ZNF638: variants seen among roughly 807,000 people sequenced by gnomAD.
ZNF638 encodes the protein CTCL tumor antigen se33-1.
ZNF638 carries 46 observed loss-of-function variants against 195.6 expected under a neutral mutation model. The observed-to-expected ratio is 0.24, with a 90% CI of 0.19 to 0.30. The LOEUF (loss-of-function observed/expected upper bound fraction) is 0.30, where lower values mean the gene tolerates loss of function less well. Among genes scored for constraint, ZNF638 ranks in the 10% least tolerant of loss-of-function variants. The pLI, the probability that ZNF638 is intolerant of heterozygous loss-of-function variation, is 1.00. For missense variants in ZNF638, 2,440 were observed against 2,325.3 expected, an observed-to-expected ratio of 1.05 and a Z score of -1.01; for synonymous variants, 845 against 772.0, an observed-to-expected ratio of 1.09 and a Z score of -1.57.
In ZNF638 at chr2:71,426,889, C is replaced by T. The variant is rs1319998164; in HGVS notation, c.5020C>T (p.Leu1674Phe). Residue 1674 changes from leucine (L) to phenylalanine (F), a missense_variant, in exon 24 of 28, where the codon CTC becomes TTC. Around this residue, in one of 5 missense-constraint regions of ZNF638, gnomAD observed 1,883 missense variants for 1,739.1 expected, o/e 1.08. Transcript: ENST00000264447. ...TVLSVAEEQD[L>F]LKQERLVTVD... ...TCTGTCAGTGGCTGAAGAACAAGATCTCCTCAAACAGGAACGCTTGGTAAC... is the reference window on the plus strand; with the variant it reads ...TCTGTCAGTGGCTGAAGAACAAGATTTCCTCAAACAGGAACGCTTGGTAAC... The T allele has an allele frequency of 1.2e-6, 2 of 1,614,054 alleles. No individual in the cohort carries two copies. The highest frequency in any genetic ancestry group is 3.3e-5 in the Admixed American group (2 of 59,992).
chr2:71,336,419 T>A (rs17692517), intron 1 of ZNF638, among the ~76,000 whole-genome samples: 1 of 148,122 alleles, frequency 6.8e-6, no homozygotes, highest in Non-Finnish European at 1.5e-5. Context: ...ACACAAGTGC[T>A]TGTTAAACAA....
rs574500323 is a variant in ZNF638, at chr2:71,354,955, ATTTTATTTTTAT to A, written c.1318-747_1318-736del. ...TACTGGTCTATCAGGTAGCATTTTT[ATTTTATTTTTAT>A]TTTTATTTTTATTTTTTTGGAGACA... On this transcript the variant is annotated intron_variant, in intron 2 of 27. Transcript: ENST00000264447. Among the ~76,000 whole-genome samples the A allele has an allele frequency of 3.3e-5, 5 of 151,638 alleles. No homozygotes were observed. In the East Asian group the frequency reaches 5.8e-4, roughly 18 times the overall value.
At chr2:71,429,998 G>T (rs1318878511) in intron 25 of ZNF638, among the ~76,000 whole-genome samples, 1 of 152,172 alleles carries the variant, frequency 6.6e-6, no homozygotes, top group South Asian at 2.1e-4. Context: ...CAGAATTTCT[G>T]TATGGTAGGG....
Position 71,434,972 on chromosome 2 carries a change from G to A in ZNF638, c.*165G>A, listed in dbSNP as rs539501468. ...AGAGACTGATGGGGAAAGTATGATGGGTTTGATTTTTATATCAAATCATCA... is the reference window on the plus strand; with the variant it reads ...AGAGACTGATGGGGAAAGTATGATGAGTTTGATTTTTATATCAAATCATCA... On this transcript the variant is annotated 3_prime_UTR_variant, in exon 28 of 28. Transcript: ENST00000264447. 88 of 539,408 alleles carry A rather than the reference G, an allele frequency of 1.6e-4. 1 individual carries two copies. Among genetic ancestry groups the A allele is most frequent in the Non-Finnish European group, 2.4e-4 (73 of 303,398 alleles). 33.4% of individuals were successfully genotyped at this position (539,408 alleles called of 1,614,324 possible). A position where few individuals can be genotyped will look rare whatever the true frequency, so the allele number is the denominator to read the frequency against.
rs1553488137 is a variant in ZNF638 at position 71,424,642 on chromosome 2, T to A, written c.4525-8T>A. The A allele has an allele frequency of 1.9e-6, 3 of 1,603,930 alleles. No individual in the cohort carries two copies. Among genetic ancestry groups the A allele is most frequent in the Non-Finnish European group, 2.6e-6 (3 of 1,175,562 alleles). On this transcript the variant is annotated splice_region_variant and splice_polypyrimidine_tract_variant and intron_variant, in intron 22 of 27. Transcript: ENST00000264447. ...CCGTTTTTCTGTATTTCTTATTTAC[T>A]ATTTCAGACTTTGGCTGAGCAAAAC...
intron 10 of ZNF638, among the ~76,000 whole-genome samples, chr2:71,387,324 A>T (rs6745147): frequency 3.9e-4 from 59 of 152,172 alleles, no homozygotes; most frequent in African/African-American, 1.4e-3. Context: ...TTTTAGTTGG[A>T]AAAAGATCAA....
chr2:71,404,025 C>G (rs1211452218), intron 17 of ZNF638, 27 bp downstream of exon 17: 1 of 1,581,938 alleles, frequency 6.3e-7, no homozygotes, highest in Non-Finnish European at 8.6e-7. Context: ...TTTTTACTAG[C>G]TCTTACTAAG....
Position 71,364,379 on chromosome 2 carries a change from AC to A in ZNF638, c.1717+128del. 5 of 997,234 alleles carry A rather than the reference AC, an allele frequency of 5.0e-6. No homozygotes were observed. The South Asian group carries it at 8.8e-5, about 17-fold the overall frequency. 61.8% of individuals were successfully genotyped at this position (997,234 alleles called of 1,614,324 possible). ...AGAGTTGATAAATGAAATCTGACCC[AC>A]ATGCCACAGAGTTATTCCCTCTGGT... is the stretch of plus-strand genomic sequence containing the variant. On this transcript the variant is annotated intron_variant, in intron 5 of 27. Transcript: ENST00000264447.
At chr2:71,432,241 G>T (rs2080680957) in intron 26 of ZNF638, among the ~76,000 whole-genome samples, 1 of 152,056 alleles carries the variant, frequency 6.6e-6, no homozygotes, top group African/African-American at 2.4e-5. Context: ...CATTCTGTCA[G>T]CCAGGCTGGA....
At chr2:71,408,095 T>C (rs957061319) in intron 19 of ZNF638, 27 bp from the exon 20 acceptor site, 7 of 1,598,440 alleles carry the variant, frequency 4.4e-6, no homozygotes, top group Middle Eastern at 1.7e-4. Flanking sequence ...TAAAGAACTA[T>C]TCATAACTTT....
intron 10 of ZNF638, among the ~76,000 whole-genome samples, chr2:71,381,542 C>CA (rs1471541404): frequency 5.9e-5 from 9 of 152,020 alleles, no homozygotes; most frequent in Non-Finnish European, 1.3e-4. Context: ...CACACAACAA[C>CA]AAAGGTAACA....
intron 3 of ZNF638, among the ~76,000 whole-genome samples, chr2:71,356,368 G>A (rs976946948): frequency 7.9e-5 from 12 of 152,132 alleles, no homozygotes; most frequent in African/African-American, 2.9e-4. Flanking sequence ...TGTATCTCTT[G>A]GAGTAACATC....
intron 20 of ZNF638, among the ~76,000 whole-genome samples, chr2:71,409,603 A>C (rs2080171672): frequency 6.6e-6 from 1 of 152,190 alleles, no homozygotes. Flanking sequence ...AAATGGCGCC[A>C]CATTTTCATT....
intron 25 of ZNF638, among the ~76,000 whole-genome samples, chr2:71,429,414 C>T (rs10779954): frequency 0.34 from 51,619 of 151,970 alleles, 9,941 homozygotes; most frequent in African/African-American, 0.52. Context: ...AATTAGCTTT[C>T]CCCCCCTTCT....
rs1397572695 is a variant in ZNF638 at position 71,433,237 on chromosome 2, C to A, written c.5825C>A (p.Ala1942Glu). 6.2e-7 allele frequency: 1 copy of A among 1,614,000 alleles called. No homozygotes were observed. Among genetic ancestry groups the A allele is most frequent in the Non-Finnish European group, 8.5e-7 (1 of 1,179,978 alleles). The change falls in exon 27 of 28, where the codon GCA becomes GAA. Residue 1942 changes from alanine (A) to glutamate (E), a missense_variant. Transcript: ENST00000264447. Reference protein sequence around the residue: ...ICSLFYSGEKAMTNHCKSTRH... With the variant: ...ICSLFYSGEKEMTNHCKSTRH... ...TCCCTCTTCTACTCAGGTGAAAAAG[C>A]AATGACAAATCACTGCAAGAGTACA...
Position 71,350,283 on chromosome 2 carries a change from T to A in ZNF638, c.1317+12T>A, listed in dbSNP as rs2104180672. 1 of 1,591,806 alleles carries A rather than the reference T, an allele frequency of 6.3e-7. No individual in the cohort carries two copies. ...GTAGTCATTTGAAGGTGAGTGTTTT[T>A]AAAAAAAGATCACTGTATAATGATG... is the stretch of plus-strand genomic sequence containing the variant. On this transcript the variant is annotated intron_variant, in intron 2 of 27. Coordinates refer to ENST00000264447, the MANE Select transcript of ZNF638 (RefSeq NM_014497.5).
intron 3 of ZNF638, among the ~76,000 whole-genome samples, chr2:71,360,936 C>A (rs1201913165): frequency 2.0e-5 from 3 of 152,148 alleles, no homozygotes; most frequent in African/African-American, 7.2e-5. Flanking sequence ...CTGCTCTGGG[C>A]AGCAGAGATG....
intron 10 of ZNF638, among the ~76,000 whole-genome samples, chr2:71,387,377 G>A (rs1394236639): frequency 6.6e-6 from 1 of 151,998 alleles, no homozygotes; most frequent in Non-Finnish European, 1.5e-5. Context: ...TTTGATAAAA[G>A]TAAAAGCACT....
intron 10 of ZNF638, among the ~76,000 whole-genome samples, chr2:71,387,138 C>T (rs991637902): frequency 6.6e-6 from 1 of 151,892 alleles, no homozygotes; most frequent in Non-Finnish European, 1.5e-5. Context: ...CAGGACAGTT[C>T]TTTAAAGAAA....
Sources: gnomAD v4.1 joint callset for allele counts (sites outside exome capture counted in the v4.1 genomes callset) on GRCh38, gnomAD v4.1.1 for gene constraint, gnomAD v4.1.1 regional missense constraint, MANE v1.5 for transcripts, NCBI Gene and HGNC (gene_info 2026-07-23, HGNC 2026-07-21) for gene names.